Variants in MAP2 observed in about 807,000 individuals in gnomAD.
MAP2 encodes microtubule-associated protein 2.
A neutral mutation model predicts 137.6 loss-of-function variants in MAP2; 14 were observed. The ratio of observed to expected loss-of-function variants is 0.10; its 90% CI spans 0.07 to 0.16. The LOEUF is 0.16. Among genes scored for constraint, MAP2 ranks in the 10% least tolerant of loss-of-function variants. The probability of loss-of-function intolerance (pLI) is 1.00; values close to 1 mark genes in which losing one functional copy is unlikely to be tolerated. For synonymous variants in MAP2, 786 were observed against 782.3 expected (o/e 1.00, Z -0.08); for missense variants, 2,088 against 2,191.5 (o/e 0.95, Z 0.94).
intron 3 of MAP2, among the ~76,000 whole-genome samples, chr2:209,611,389 C>A (rs1411674013): frequency 6.6e-6 from 1 of 151,974 alleles, no homozygotes; most frequent in Non-Finnish European, 1.5e-5. Flanking sequence ...TAACAACATT[C>A]TTTCTCTGTT....
At chr2:209,616,805 G>A (rs2089578792) in intron 3 of MAP2, among the ~76,000 whole-genome samples, 1 of 152,216 alleles carries the variant, frequency 6.6e-6, no homozygotes, top group Admixed American at 6.5e-5. Context: ...AGTGGGATGA[G>A]TATGTATTAG....
chr2:209,649,877 C>T (rs1189428923), intron 4 of MAP2, among the ~76,000 whole-genome samples: 1 of 152,232 alleles, frequency 6.6e-6, no homozygotes, highest in East Asian at 1.9e-4. Context: ...GCTAGCCAGC[C>T]TTTTCTTCTT....
chr2:209,608,353 A>G (rs1465785259), intron 3 of MAP2, among the ~76,000 whole-genome samples: 2 of 152,136 alleles, frequency 1.3e-5, no homozygotes, highest in East Asian at 3.9e-4. Context: ...CAGTGACACA[A>G]TCATAGCTCA....
chr2:209,533,074 C>T (rs552572809), intron 2 of MAP2, among the ~76,000 whole-genome samples: 29 of 152,218 alleles, frequency 1.9e-4, no homozygotes, highest in Admixed American at 7.2e-4. Flanking sequence ...ATTTTACTTT[C>T]TCATTATTCT....
intron 4 of MAP2, among the ~76,000 whole-genome samples, chr2:209,647,495 C>A (rs1230021078): frequency 1.3e-5 from 2 of 152,124 alleles, no homozygotes; most frequent in African/African-American, 2.4e-5. Flanking sequence ...AATTTAAGCT[C>A]TAGAAAGACC....
At chr2:209,549,729 G>T (rs2068789831) in intron 2 of MAP2, among the ~76,000 whole-genome samples, 1 of 152,126 alleles carries the variant, frequency 6.6e-6, no homozygotes. Context: ...ACTCTTTTTA[G>T]CTATAACAGG....
At chr2:209,470,807 C>T (rs980033550) in intron 1 of MAP2, among the ~76,000 whole-genome samples, 2 of 152,150 alleles carry the variant, frequency 1.3e-5, no homozygotes, top group Non-Finnish European at 2.9e-5. Flanking sequence ...AAAGGGAACA[C>T]CTTTTTGAGG....
chr2:209,593,635 ATATATATATATATATAT>A (rs1451765932), intron 3 of MAP2, among the ~76,000 whole-genome samples: 5 of 24,062 alleles, frequency 2.1e-4, no homozygotes, highest in Non-Finnish European at 3.3e-4. Flanking sequence ...AAAAAAAAAA[ATATATATATATATATAT>A]ATATATATAT....
At chr2:209,591,398 C>T (rs2079200366) in intron 3 of MAP2, among the ~76,000 whole-genome samples, 1 of 151,996 alleles carries the variant, frequency 6.6e-6, no homozygotes, top group Non-Finnish European at 1.5e-5. Flanking sequence ...ACAATAATGC[C>T]CAAGTTGTTC....
At chr2:209,631,213 T>A (rs2093011050) in intron 4 of MAP2, among the ~76,000 whole-genome samples, 1 of 152,016 alleles carries the variant, frequency 6.6e-6, no homozygotes, top group African/African-American at 2.4e-5. Flanking sequence ...GTCTGTCCTG[T>A]CCCTTTGATG....
intron 2 of MAP2, among the ~76,000 whole-genome samples, chr2:209,553,361 G>A (rs2069688340): frequency 6.6e-6 from 1 of 152,124 alleles, no homozygotes; most frequent in Admixed American, 6.5e-5. Flanking sequence ...GAAGAGCCCT[G>A]TACCGTACAT....
At chr2:209,705,050 A>G (rs753264123) in intron 11 of MAP2, among the ~76,000 whole-genome samples, 2 of 151,944 alleles carry the variant, frequency 1.3e-5, no homozygotes, top group African/African-American at 2.4e-5. Context: ...TACCAACTCA[A>G]TTGTCTTGAA....
At chr2:209,633,377 T>A (rs150373655) in intron 4 of MAP2, among the ~76,000 whole-genome samples, 539 of 152,278 alleles carry the variant, frequency 3.5e-3, no homozygotes, top group Non-Finnish European at 5.5e-3. Context: ...AGAAAAATCA[T>A]CTTGGCGTGT....
chr2:209,724,160 A>G (rs1293503660), intron 13 of MAP2, among the ~76,000 whole-genome samples: 1 of 152,230 alleles, frequency 6.6e-6, no homozygotes, highest in East Asian at 1.9e-4. Context: ...GAAAGTAAGG[A>G]TATCATTTAG....
intron 3 of MAP2, among the ~76,000 whole-genome samples, chr2:209,600,439 C>G (rs1290155379): frequency 3.9e-5 from 6 of 152,190 alleles, no homozygotes; most frequent in Non-Finnish European, 5.9e-5. Flanking sequence ...GACCCACCAG[C>G]TGCTGTCAGT....
At chr2:209,677,581 C>T (rs1230976260) in intron 5 of MAP2, among the ~76,000 whole-genome samples, 2 of 151,968 alleles carry the variant, frequency 1.3e-5, no homozygotes, top group Admixed American at 6.6e-5. Flanking sequence ...ATTCATACCA[C>T]TAAAAGAGTT....
chr2:209,702,629 G>GTTGT (rs553259359), intron 11 of MAP2, among the ~76,000 whole-genome samples: 2 of 151,836 alleles, frequency 1.3e-5, no homozygotes. Context: ...GGGTTTTTCT[G>GTTGT]TTGTTTGTTT....
At chr2:209,607,406 G>T (rs888544961) in intron 3 of MAP2, among the ~76,000 whole-genome samples, 1 of 152,070 alleles carries the variant, frequency 6.6e-6, no homozygotes, top group African/African-American at 2.4e-5. Flanking sequence ...CCTCTCAGAT[G>T]TCTTCAAATT....
intron 4 of MAP2, among the ~76,000 whole-genome samples, chr2:209,629,699 G>T (rs534018019): frequency 6.6e-6 from 1 of 152,272 alleles, no homozygotes; most frequent in East Asian, 1.9e-4. Context: ...GTCATATCCA[G>T]ATCTCAAGCT....
Sources: gnomAD v4.1 joint callset for allele counts (sites outside exome capture counted in the v4.1 genomes callset) on GRCh38, gnomAD v4.1.1 for gene constraint, MANE v1.5 for transcripts, NCBI Gene and HGNC (gene_info 2026-07-23, HGNC 2026-07-21) for gene names.